CD47: variants seen among roughly 807,000 people sequenced by gnomAD.
The protein encoded by CD47 is leukocyte surface antigen CD47.
Under a neutral mutation model 44.6 loss-of-function variants are expected in CD47, and 11 were observed. The observed-to-expected ratio is 0.25, with a 90% CI of 0.16 to 0.41. The LOEUF (loss-of-function observed/expected upper bound fraction) is 0.41. Among genes scored for constraint, CD47 ranks in the 10% least tolerant of loss-of-function variants. CD47 has a pLI of 1.00. For synonymous variants in CD47, 140 were observed against 136.3 expected (o/e 1.03, Z -0.19); for missense variants, 306 against 386.7 (o/e 0.79, Z 1.75).
At chr3:108,055,912 C>T (rs1417157904) in intron 7 of CD47, among the ~76,000 whole-genome samples, 2 of 152,222 alleles carry the variant, frequency 1.3e-5, no homozygotes, top group African/African-American at 4.8e-5. Flanking sequence ...GGCAACTGTA[C>T]TGAAGATCAT....
intron 3 of CD47, among the ~76,000 whole-genome samples, chr3:108,065,811 C>CAAAAAAAAAAAAAAAAAAA (rs58021560): frequency 1.6e-5 from 1 of 61,166 alleles, no homozygotes; most frequent in African/African-American, 6.6e-5. Flanking sequence ...GACTCCGTCT[C>CAAAAAAAAAAAAAAAAAAA]AAAAAAAAAA....
chr3:108,083,032 C>T (rs924233016), intron 1 of CD47, among the ~76,000 whole-genome samples: 1 of 151,972 alleles, frequency 6.6e-6, no homozygotes, highest in Non-Finnish European at 1.5e-5. Context: ...CTACTCCCTT[C>T]TCATAAAACA....
At position 108,060,784 on chromosome 3, in the gene CD47, T is replaced by C; in HGVS notation, c.559A>G (p.Thr187Ala). The C allele has an allele frequency of 6.2e-7, 1 of 1,613,698 alleles. No individual in the cohort carries two copies. Among genetic ancestry groups the C allele is most frequent in the Non-Finnish European group, 8.5e-7 (1 of 1,179,630 alleles). ...ATGGCTCCAACAATGACAATGACAG[T>C]GATCACTAGTCCAGCAACAAGTAAA... ...IALLVAGLVI[T>A]VIVIVGAILF... is the part of the protein sequence containing the mutation. The change falls in exon 4 of 11, where the codon ACT becomes GCT. Residue 187 changes from threonine to alanine, a missense_variant. Physicochemically the swap from Thr to Ala is moderately conservative, Grantham distance 58. Transcript: ENST00000361309.
Position 108,060,768 on chromosome 3 carries a change from A to G in CD47, c.575T>C (p.Val192Ala). 1.2e-6 allele frequency: 2 copies of G among 1,613,290 alleles called. No homozygotes were observed. Among genetic ancestry groups the G allele is most frequent in the Non-Finnish European group, 1.7e-6 (2 of 1,179,250 alleles). ...ACCTGGGACGAAAAGAATGGCTCCAACAATGACAATGACAGTGATCACTAG... is the reference window on the plus strand; with the variant it reads ...ACCTGGGACGAAAAGAATGGCTCCAGCAATGACAATGACAGTGATCACTAG... The part of the protein sequence containing the change: ...AGLVITVIVI[V>A]GAILFVPGEY... The change falls in exon 4 of 11, where the codon GTT becomes GCT. Residue 192 changes from valine to alanine, a missense_variant. By Grantham distance (64) the Val-to-Ala change is moderately conservative (BLOSUM62 0). Coordinates refer to ENST00000361309, the MANE Select transcript of CD47 (RefSeq NM_001777.4).
intron 3 of CD47, among the ~76,000 whole-genome samples, chr3:108,065,949 G>A (rs2079099999): frequency 6.6e-6 from 1 of 151,198 alleles, no homozygotes; most frequent in South Asian, 2.1e-4. Context: ...TACTTTCTTG[G>A]ATGGAAATTT....
In CD47 at chr3:108,044,709, C is replaced by T. The variant is rs2078692868; in HGVS notation, c.*2579G>A. ...ACTATAGGAATGGTAAGTTAAGAGA[C>T]AAAAGAGCAGCTACACAGATGAAGA... On this transcript the variant is annotated 3_prime_UTR_variant, in exon 11 of 11. Coordinates refer to ENST00000361309, the MANE Select transcript of CD47 (RefSeq NM_001777.4). 1 of 151,976 alleles carries T rather than the reference C, an allele frequency of 6.6e-6. No homozygotes were observed. Among genetic ancestry groups the T allele is most frequent in the South Asian group, 2.1e-4 (1 of 4,826 alleles). 9.4% of individuals were successfully genotyped at this position (151,976 alleles called of 1,614,324 possible).
chr3:108,080,478 A>C lies in CD47; in HGVS notation c.47-134T>G, dbSNP rs556262436. 52 of 565,874 alleles carry C rather than the reference A, an allele frequency of 9.2e-5. No homozygotes were observed. In the African/African-American group the frequency reaches 9.6e-4, roughly 10 times the overall value. 35.1% of individuals were successfully genotyped at this position (565,874 alleles called of 1,614,324 possible). On this transcript the variant is annotated intron_variant, in intron 1 of 10. Coordinates refer to ENST00000361309, the MANE Select transcript of CD47 (RefSeq NM_001777.4). Reference sequence around the variant, plus strand: ...TAAGTAAACAGTATAGCAATGAAGAAGACCTATTAGGTGAAATATGCAAAC... The same window carrying C: ...TAAGTAAACAGTATAGCAATGAAGACGACCTATTAGGTGAAATATGCAAAC...
intron 7 of CD47, chr3:108,053,648 A>G (rs1387571848): frequency 3.3e-5 from 5 of 152,244 alleles, no homozygotes; most frequent in Non-Finnish European, 7.3e-5. Flanking sequence ...TATGGAATGG[A>G]TCCTTCCAAT....
At chr3:108,086,844 C>G (rs923146219) in intron 1 of CD47, among the ~76,000 whole-genome samples, 4 of 152,092 alleles carry the variant, frequency 2.6e-5, no homozygotes, top group African/African-American at 9.7e-5. Context: ...AAGAATTATG[C>G]TGACTGAGCA....
At chr3:108,049,294 A>G (rs1195219979) in intron 10 of CD47, among the ~76,000 whole-genome samples, 1 of 152,222 alleles carries the variant, frequency 6.6e-6, no homozygotes, top group African/African-American at 2.4e-5. Context: ...TTTGTGCCAG[A>G]TTATTTATGT....
intron 2 of CD47, among the ~76,000 whole-genome samples, chr3:108,077,908 G>A (rs1172483423): frequency 6.6e-6 from 1 of 152,098 alleles, no homozygotes. Context: ...ACAGTGGGAG[G>A]TGGCGGTATG....
rs376243794 is a variant in CD47, at chr3:108,065,005, T to C, written c.491-4153A>G. ...TACACTTATTTAACACACACATGCA[T>C]ACACAAATGAAAGCTTCTGAAACTG... On this transcript the variant is annotated intron_variant, in intron 3 of 10. Coordinates refer to ENST00000361309, the MANE Select transcript of CD47 (RefSeq NM_001777.4). 3.0e-4 allele frequency among the ~76,000 whole-genome samples: 46 copies of C among 152,248 alleles called. 1 individual carries two copies. The South Asian group carries it at 9.1e-3, about 30-fold the overall frequency.
intron 1 of CD47, among the ~76,000 whole-genome samples, chr3:108,089,061 A>G (rs1265005959): frequency 2.6e-5 from 4 of 152,244 alleles, no homozygotes; most frequent in Non-Finnish European, 1.5e-5. Flanking sequence ...CCCTTGGTTT[A>G]TAACTACCTA....
At chr3:108,083,314 C>T (rs540982455) in intron 1 of CD47, among the ~76,000 whole-genome samples, 1 of 151,946 alleles carries the variant, frequency 6.6e-6, no homozygotes, top group Non-Finnish European at 1.5e-5. Flanking sequence ...CAGCCCAAAC[C>T]ATCTCATATC....
At chr3:108,065,280 T>G (rs1195207611) in intron 3 of CD47, among the ~76,000 whole-genome samples, 1 of 152,194 alleles carries the variant, frequency 6.6e-6, no homozygotes, top group African/African-American at 2.4e-5. Flanking sequence ...TTTTTTTCAT[T>G]ATCAACTTTC....
intron 1 of CD47, 120 bp downstream of exon 1, chr3:108,090,743 G>C (rs573937199): frequency 4.1e-5 from 36 of 874,926 alleles, no homozygotes; most frequent in Non-Finnish European, 5.3e-5. Context: ...CTCAGGGCCC[G>C]AGTGTTCTGC....
intron 1 of CD47, among the ~76,000 whole-genome samples, chr3:108,087,559 T>C (rs1001703276): frequency 1.4e-4 from 22 of 152,318 alleles, no homozygotes; most frequent in African/African-American, 4.8e-4. Context: ...TTTGTCTATA[T>C]GCCAAAGAGG....
In CD47 at chr3:108,044,647, CA is replaced by C. The variant is rs1576978899; in HGVS notation, c.*2640del. 1 of 151,678 alleles carries C rather than the reference CA, an allele frequency of 6.6e-6. No individual in the cohort carries two copies. Among genetic ancestry groups the C allele is most frequent in the Non-Finnish European group, 1.5e-5 (1 of 67,952 alleles). 9.4% of individuals were successfully genotyped at this position (151,678 alleles called of 1,614,324 possible). ...TTAAAATCAAGGAGAAGAGCAAGGC[CA>C]AAAAACTAATAGAACTAAGCAGAGA... On this transcript the variant is annotated 3_prime_UTR_variant, in exon 11 of 11. Coordinates refer to ENST00000361309, the MANE Select transcript of CD47 (RefSeq NM_001777.4).
intron 3 of CD47, among the ~76,000 whole-genome samples, chr3:108,070,616 A>T (rs2079182417): frequency 6.6e-6 from 1 of 152,220 alleles, no homozygotes; most frequent in South Asian, 2.1e-4. Flanking sequence ...GCAGAGGATG[A>T]CAAAACATAG....
Sources: allele counts gnomAD v4.1 joint callset (sites outside exome capture counted in the v4.1 genomes callset), GRCh38; gene constraint gnomAD v4.1.1; transcripts MANE v1.5; gene names NCBI Gene and HGNC (gene_info 2026-07-23, HGNC 2026-07-21).